The following FREM3 variants were observed in gnomAD, a reference collection of about 807,000 sequenced individuals.
FREM3 encodes FRAS1 related extracellular matrix 3.
A neutral mutation model predicts 129.1 loss-of-function variants in FREM3; 105 were observed. The observed-to-expected ratio is 0.81, with a 90% CI of 0.69 to 0.96. FREM3 has a LOEUF of 0.96. Among genes scored for constraint, FREM3 ranks in the 40% least tolerant of loss-of-function variants. The pLI, the probability that FREM3 is intolerant of heterozygous loss-of-function variation, is 0.00. For missense variants in FREM3, 2,593 were observed against 2,666.3 expected (o/e 0.97, Z 0.61); for synonymous variants, 1,014 against 1,044.9 (o/e 0.97, Z 0.57).
At chr4:143,668,114 A>G (rs1739897798) in intron 2 of FREM3, among the ~76,000 whole-genome samples, 1 of 152,362 alleles carries the variant, frequency 6.6e-6, no homozygotes, top group Non-Finnish European at 1.5e-5. Context: ...ACTATTTAGC[A>G]GAATGAAAGA....
intron 6 of FREM3, among the ~76,000 whole-genome samples, chr4:143,600,096 C>A (rs963814975): frequency 6.6e-6 from 1 of 152,154 alleles, no homozygotes; most frequent in Non-Finnish European, 1.5e-5. Context: ...TTTAAAGAAG[C>A]CCTTAAATCT....
intron 2 of FREM3, among the ~76,000 whole-genome samples, chr4:143,669,472 G>C (rs900506944): frequency 1.3e-5 from 2 of 150,584 alleles, no homozygotes; most frequent in Admixed American, 6.6e-5. Flanking sequence ...TTTTTTGGTA[G>C]AGACCGGGTC....
chr4:143,673,204 T>A (rs777338577), intron 2 of FREM3, among the ~76,000 whole-genome samples: 1 of 152,240 alleles, frequency 6.6e-6, no homozygotes, highest in Non-Finnish European at 1.5e-5. Flanking sequence ...TGTTCTGTTT[T>A]TTCCCCATCT....
intron 2 of FREM3, among the ~76,000 whole-genome samples, chr4:143,630,492 C>T (rs922363576): frequency 6.6e-6 from 1 of 152,102 alleles, no homozygotes; most frequent in Admixed American, 6.6e-5. Context: ...TGCCCCCATA[C>T]CAGACAACAC....
At chr4:143,593,563 T>G (rs1006515242) in intron 6 of FREM3, among the ~76,000 whole-genome samples, 2 of 151,816 alleles carry the variant, frequency 1.3e-5, no homozygotes, top group Non-Finnish European at 2.9e-5. Context: ...ATTGGTGAAC[T>G]GCAAATGCTG....
chr4:143,654,275 G>A (rs893388562), intron 2 of FREM3, among the ~76,000 whole-genome samples: 6 of 151,970 alleles, frequency 3.9e-5, no homozygotes, highest in African/African-American at 1.5e-4. Flanking sequence ...ACTAATTTTT[G>A]TATTTTTAGT....
chr4:143,696,922 T>A lies in FREM3; in HGVS notation c.3754A>T (p.Ile1252Phe), dbSNP rs1740582189. ...IQQLATGSQP[I>F]HSFTLKEIQE... is the part of the protein sequence containing the mutation. ...ATCTCCTTGAGGGTGAAGCTGTGGA[T>A]GGGCTGGCTGCCTGTAGCCAGCTGC... Residue 1252 changes from isoleucine to phenylalanine, a missense_variant, in exon 1 of 8, where the codon ATC becomes TTC. Physicochemically the swap from Ile to Phe is conservative, Grantham distance 21. Coordinates refer to ENST00000329798, the MANE Select transcript of FREM3 (RefSeq NM_001168235.2). The A allele has an allele frequency of 6.5e-7, 1 of 1,537,334 alleles. No homozygotes were observed. Among genetic ancestry groups the A allele is most frequent in the Admixed American group, 2.0e-5 (1 of 50,986 alleles).
In FREM3 at chr4:143,699,675, T is replaced by C. The variant is rs1428577903; in HGVS notation, c.1001A>G (p.Asp334Gly). The C allele has an allele frequency of 1.3e-6, 2 of 1,527,930 alleles. No individual in the cohort carries two copies. The highest frequency in any genetic ancestry group is 2.5e-5 in the East Asian group (1 of 40,790). 94.6% of individuals were successfully genotyped at this position (1,527,930 alleles called of 1,614,324 possible). A position where few individuals can be genotyped will look rare whatever the true frequency, so the allele number is the denominator to read the frequency against. ...CAGGTCACCAGGGTCTGACTCGACG[T>C]CCTCCGCGGCCAGTGCGTCAGGCGT... The part of the protein sequence containing the change: ...ALTPDALAAE[D>G]VESDPGDLVF... Residue 334 changes from aspartate (D) to glycine (G), a missense_variant, in exon 1 of 8, where the codon GAC becomes GGC. Physicochemically the swap from Asp to Gly is moderately conservative, Grantham distance 94. This residue lies in a region of FREM3 where 2,276 missense variants were observed against 2,267.2 expected (regional missense o/e 1.00). Coordinates refer to ENST00000329798, the MANE Select transcript of FREM3 (RefSeq NM_001168235.2). This position sits in a 1 kb window ranked among gnomAD's most constrained non-coding sequence, Gnocchi z 4.2.
intron 2 of FREM3, among the ~76,000 whole-genome samples, chr4:143,660,413 T>G (rs1443429898): frequency 1.3e-5 from 2 of 152,180 alleles, no homozygotes; most frequent in Non-Finnish European, 2.9e-5. Context: ...GTGTTATTTC[T>G]GAGGGCTCTG....
rs527622674 is a variant in FREM3, at chr4:143,689,593, G to A, written c.5275+3520C>T. On this transcript the variant is annotated intron_variant, in intron 2 of 7. Coordinates refer to ENST00000329798, the MANE Select transcript of FREM3 (RefSeq NM_001168235.2). Reference sequence around the variant, plus strand: ...AGATACTTGCACACGCGTGTTTACAGCAGCACAATTCACAATTGCAAAATC... The same window carrying A: ...AGATACTTGCACACGCGTGTTTACAACAGCACAATTCACAATTGCAAAATC... Among the ~76,000 whole-genome samples, 3 of 152,148 alleles carry A rather than the reference G, an allele frequency of 2.0e-5. No homozygotes were observed. The East Asian group carries it at 5.8e-4, about 29-fold the overall frequency.
intron 2 of FREM3, among the ~76,000 whole-genome samples, chr4:143,661,287 G>A (rs1436311908): frequency 6.6e-6 from 1 of 152,180 alleles, no homozygotes; most frequent in African/African-American, 2.4e-5. Context: ...AGAGTTTTTA[G>A]CATGAAGGTA....
Position 143,654,026 on chromosome 4 carries a change from G to A in FREM3, c.5276-26266C>T, listed in dbSNP as rs1739554816. The stretch of plus-strand genomic sequence containing the variant: ...ACAAGCAAAACAATATTAGGTAGTT[G>A]AACTAATACCTTTAGGAGGACTACT... On this transcript the variant is annotated intron_variant, in intron 2 of 7. Transcript: ENST00000329798. Among the ~76,000 whole-genome samples the A allele has an allele frequency of 2.0e-5, 3 of 152,178 alleles. No individual in the cohort carries two copies. In the South Asian group the frequency reaches 6.2e-4, roughly 31 times the overall value.
At chr4:143,654,036 C>G (rs1739555045) in intron 2 of FREM3, among the ~76,000 whole-genome samples, 1 of 152,130 alleles carries the variant, frequency 6.6e-6, no homozygotes, top group Non-Finnish European at 1.5e-5. Context: ...GAACTAATAC[C>G]TTTAGGAGGA....
chr4:143,688,654 G>T (rs185004403), intron 2 of FREM3, among the ~76,000 whole-genome samples: 1 of 152,036 alleles, frequency 6.6e-6, no homozygotes, highest in Non-Finnish European at 1.5e-5. Context: ...CTAATACGGC[G>T]TGGTACTGGT....
At chr4:143,614,689 T>G (rs1447096226) in intron 5 of FREM3, among the ~76,000 whole-genome samples, 1 of 152,226 alleles carries the variant, frequency 6.6e-6, no homozygotes, top group Non-Finnish European at 1.5e-5. Context: ...AACCAAAGAT[T>G]CATTTCATGT....
rs1437108453 is a variant in FREM3 at position 143,697,907 on chromosome 4, C to CA, written c.2768dup (p.His924AlafsTer17). On this transcript the variant is annotated frameshift_variant, in exon 1 of 8. Coordinates refer to ENST00000329798, the MANE Select transcript of FREM3 (RefSeq NM_001168235.2). LOFTEE classifies it high-confidence loss of function. The stretch of plus-strand genomic sequence containing the variant: ...TTGGGATGGTGATGGGTATATGGTG[C>CA]ACCCCATCACTTACTTCCAGATGGA... The CA allele has an allele frequency of 6.5e-7, 1 of 1,537,794 alleles. No homozygotes were observed. Among genetic ancestry groups the CA allele is most frequent in the African/African-American group, 1.4e-5 (1 of 73,068 alleles).
Position 143,698,532 on chromosome 4 carries a change from A to T in FREM3, c.2144T>A (p.Val715Glu), listed in dbSNP as rs1286826999. The change falls in exon 1 of 8, where the codon GTA becomes GAA. Residue 715 changes from valine (V) to glutamate (E), a missense_variant. Val to Glu is a moderately radical substitution (Grantham distance 121). Around this residue, in one of 2 missense-constraint regions of FREM3, gnomAD observed 2,276 missense variants for 2,267.2 expected, o/e 1.00. Coordinates refer to ENST00000329798, the MANE Select transcript of FREM3 (RefSeq NM_001168235.2). ...LYPGTTLEMTVQEYQLTHFQK... is the reference protein window; with the variant it reads ...LYPGTTLEMTEQEYQLTHFQK... ...GAAGTGAGTGAGTTGGTATTCTTGT[A>T]CAGTCATTTCTAGTGTAGTTCCTGG... 1 of 1,537,498 alleles carries T rather than the reference A, an allele frequency of 6.5e-7. No individual in the cohort carries two copies. Among genetic ancestry groups the T allele is most frequent in the Non-Finnish European group, 8.7e-7 (1 of 1,147,024 alleles).
chr4:143,597,429 C>A (rs1375615778), intron 6 of FREM3, among the ~76,000 whole-genome samples: 2 of 152,208 alleles, frequency 1.3e-5, no homozygotes, highest in African/African-American at 4.8e-5. Context: ...TAGATAAACA[C>A]AGTTTTTATG....
Position 143,697,647 on chromosome 4 carries a change from T to C in FREM3, c.3029A>G (p.Glu1010Gly). The C allele has an allele frequency of 6.5e-7, 1 of 1,537,872 alleles. No individual in the cohort carries two copies. The highest frequency in any genetic ancestry group is 2.0e-5 in the Admixed American group (1 of 51,012). Reference sequence around the variant, plus strand: ...GGCTACTCTCCCATTGATGAGATCCTCTTGGGTGAATCGTTCTGTGGGCAA... The same window carrying C: ...GGCTACTCTCCCATTGATGAGATCCCCTTGGGTGAATCGTTCTGTGGGCAA... ...NGLPTERFTQ[E>G]DLINGRVAYA... The change falls in exon 1 of 8, where the codon GAG becomes GGG. Residue 1010 changes from glutamate to glycine, a missense_variant. Around this residue, in one of 2 missense-constraint regions of FREM3, gnomAD observed 2,276 missense variants for 2,267.2 expected, o/e 1.00. Transcript: ENST00000329798.
Sources: gnomAD v4.1 joint callset for allele counts (sites outside exome capture counted in the v4.1 genomes callset) on GRCh38, gnomAD v4.1.1 for gene constraint, gnomAD v4.1.1 regional missense constraint, Gnocchi (gnomAD v3.1) non-coding constraint, MANE v1.5 for transcripts, NCBI Gene and HGNC (gene_info 2026-07-23, HGNC 2026-07-21) for gene names.